PLXNC1: variants seen among roughly 807,000 people sequenced by gnomAD.
The protein encoded by PLXNC1 is plexin C1.
PLXNC1 carries 75 observed loss-of-function variants against 178.2 expected under a neutral mutation model. The observed-to-expected ratio is 0.42, with a 90% CI of 0.35 to 0.51. PLXNC1 has a LOEUF of 0.51. Ranked by LOEUF, PLXNC1 falls within the 20% of genes least tolerant of loss-of-function variation. The pLI is 0.02. For synonymous variants in PLXNC1, 790 were observed against 779.9 expected, an observed-to-expected ratio of 1.01 and a Z score of -0.22; for missense variants, 1,503 against 1,984.4, an observed-to-expected ratio of 0.76 and a Z score of 4.61.
chr12:94,265,416 T>C (rs1965181044), intron 21 of PLXNC1, among the ~76,000 whole-genome samples, 191 bp downstream of exon 21: 1 of 152,148 alleles, frequency 6.6e-6, no homozygotes, highest in Non-Finnish European at 1.5e-5. Context: ...ATTACTGAGA[T>C]TGGGGGAGAA....
intron 5 of PLXNC1, among the ~76,000 whole-genome samples, chr12:94,212,326 ATTG>A (rs905389065): frequency 3.3e-5 from 5 of 150,784 alleles, no homozygotes; most frequent in Non-Finnish European, 7.4e-5. Flanking sequence ...TAAAATTATT[ATTG>A]TTATTATTTA....
intron 5 of PLXNC1, among the ~76,000 whole-genome samples, chr12:94,211,438 C>T (rs1963465845): frequency 6.6e-6 from 1 of 152,236 alleles, no homozygotes. Context: ...CCTATTGCCA[C>T]CTTTGGCTTA....
rs1960812908 is a variant in PLXNC1 at position 94,148,627 on chromosome 12, C to G, written c.-345C>G. The G allele has an allele frequency of 6.6e-6, 1 of 152,016 alleles. No individual in the cohort carries two copies. The highest frequency in any genetic ancestry group is 6.5e-5 in the Admixed American group (1 of 15,276). The allele number at this position is 152,016 out of a possible 1,614,324, so 9.4% of individuals were successfully genotyped here. A position where few individuals can be genotyped will look rare whatever the true frequency, so the allele number is the denominator to read the frequency against. On this transcript the variant is annotated 5_prime_UTR_variant, in exon 1 of 31. Coordinates refer to ENST00000258526, the MANE Select transcript of PLXNC1 (RefSeq NM_005761.3). This position sits in a 1 kb window ranked among gnomAD's most constrained non-coding sequence, Gnocchi z 4.8. ...CGCACCCAACCTCTCCAGCCCTCCC[C>G]GCCCGCCTCGCTCCTCTCCGCCCGT...
intron 4 of PLXNC1, among the ~76,000 whole-genome samples, chr12:94,195,840 G>T (rs963146236): frequency 1.3e-5 from 2 of 152,200 alleles, no homozygotes; most frequent in Non-Finnish European, 2.9e-5. Flanking sequence ...TAACAGAAGG[G>T]TATTTTTAAC....
At chr12:94,301,172 G>C (rs1593011779) in intron 28 of PLXNC1, 115 bp downstream of exon 28, 3 of 687,520 alleles carry the variant, frequency 4.4e-6, no homozygotes, top group Non-Finnish European at 6.8e-6. Flanking sequence ...GCTAAAAAGA[G>C]ATAGCAAGGG....
intron 6 of PLXNC1, 94 bp from the exon 7 acceptor site, chr12:94,224,134 G>A (rs1013648109): frequency 3.7e-6 from 3 of 809,280 alleles, no homozygotes; most frequent in African/African-American, 3.4e-5. Context: ...ACTATGCAGA[G>A]GAAGCAAAAA....
intron 1 of PLXNC1, among the ~76,000 whole-genome samples, chr12:94,155,361 G>A (rs1961127974): frequency 1.3e-5 from 2 of 152,188 alleles, no homozygotes; most frequent in African/African-American, 4.8e-5. Flanking sequence ...TAAATCAGAA[G>A]CTCTGGAGGT....
At position 94,169,772 on chromosome 12, in the gene PLXNC1, T is replaced by C. The variant is rs574705062; in HGVS notation, c.1203+479T>C. Among the ~76,000 whole-genome samples the C allele has an allele frequency of 2.0e-5, 3 of 152,322 alleles. No homozygotes were observed. The South Asian group carries it at 6.2e-4, about 32-fold the overall frequency. On this transcript the variant is annotated intron_variant, in intron 2 of 30. Coordinates refer to ENST00000258526, the MANE Select transcript of PLXNC1 (RefSeq NM_005761.3). ...TACCACCCACAGAGGGGGTTTGTTT[T>C]TTGCCCTTTGTACCCACACACACCA...
intron 7 of PLXNC1, among the ~76,000 whole-genome samples, chr12:94,225,581 A>G (rs1446750981): frequency 1.3e-5 from 2 of 152,254 alleles, no homozygotes; most frequent in Non-Finnish European, 2.9e-5. Flanking sequence ...GCTCAAAGAC[A>G]GTTGAAAGAA....
rs533155504 is a variant in PLXNC1 at position 94,166,728 on chromosome 12, G to A, written c.1063-2425G>A. ...AAACGAGTGCTGGGTGTTCTCTCAA[G>A]TTTGAGAATGTTGATTTAATGGCTG... On this transcript the variant is annotated intron_variant, in intron 1 of 30. Coordinates refer to ENST00000258526, the MANE Select transcript of PLXNC1 (RefSeq NM_005761.3). 4.0e-5 allele frequency among the ~76,000 whole-genome samples: 6 copies of A among 151,882 alleles called. No homozygotes were observed. In the South Asian group the frequency reaches 1.2e-3, roughly 32 times the overall value.
chr12:94,172,169 A>C (rs1475360583), intron 2 of PLXNC1, among the ~76,000 whole-genome samples: 1 of 152,234 alleles, frequency 6.6e-6, no homozygotes, highest in Non-Finnish European at 1.5e-5. Context: ...GCGTGGGGGA[A>C]CTAATGAGCG....
intron 2 of PLXNC1, among the ~76,000 whole-genome samples, chr12:94,173,184 A>T (rs535419759): frequency 6.6e-6 from 1 of 152,228 alleles, no homozygotes; most frequent in East Asian, 1.9e-4. Context: ...GGGAATTCAC[A>T]CTGCACGTGT....
chr12:94,259,469 T>A (rs1242581971), intron 18 of PLXNC1, 94 bp downstream of exon 18: 1 of 1,234,092 alleles, frequency 8.1e-7, no homozygotes, highest in African/African-American at 1.5e-5. Flanking sequence ...TTACTTTGAA[T>A]TTTTATTGTG....
chr12:94,159,501 G>A (rs950742662), intron 1 of PLXNC1, among the ~76,000 whole-genome samples: 1 of 152,128 alleles, frequency 6.6e-6, no homozygotes, highest in Non-Finnish European at 1.5e-5. Context: ...GAGGGCATGT[G>A]CAAGAACTCA....
intron 5 of PLXNC1, among the ~76,000 whole-genome samples, chr12:94,215,670 T>C (rs958609594): frequency 6.6e-6 from 1 of 151,924 alleles, no homozygotes; most frequent in Non-Finnish European, 1.5e-5. Flanking sequence ...AGCTCAGAAA[T>C]AGATGTAAAA....
At chr12:94,177,124 TG>T (rs1962088330) in intron 2 of PLXNC1, among the ~76,000 whole-genome samples, 1 of 89,794 alleles carries the variant, frequency 1.1e-5, no homozygotes, top group Admixed American at 1.1e-4. Context: ...TATATGTGTG[TG>T]TGTGTATATA....
At chr12:94,232,844 G>C (rs968158607) in intron 9 of PLXNC1, among the ~76,000 whole-genome samples, 1 of 152,158 alleles carries the variant, frequency 6.6e-6, no homozygotes, top group South Asian at 2.1e-4. Context: ...CCATTTTATA[G>C]ATAAGGAAAT....
chr12:94,162,658 G>A (rs1336227635), intron 1 of PLXNC1, among the ~76,000 whole-genome samples: 2 of 152,148 alleles, frequency 1.3e-5, no homozygotes, highest in Non-Finnish European at 2.9e-5. Flanking sequence ...AGATAGAGAA[G>A]GTGAATTTGA....
At chr12:94,190,172 A>G (rs373361412) in intron 4 of PLXNC1, among the ~76,000 whole-genome samples, 1 of 152,144 alleles carries the variant, frequency 6.6e-6, no homozygotes, top group Non-Finnish European at 1.5e-5. Flanking sequence ...TAATATTGAG[A>G]AGGGGAAAGG....
Sources: gnomAD v4.1 joint callset for allele counts (sites outside exome capture counted in the v4.1 genomes callset) on GRCh38, gnomAD v4.1.1 for gene constraint, Gnocchi (gnomAD v3.1) non-coding constraint, MANE v1.5 for transcripts, NCBI Gene and HGNC (gene_info 2026-07-23, HGNC 2026-07-21) for gene names.